SFXN5: variants seen among roughly 807,000 people sequenced by gnomAD.
SFXN5 encodes the protein sideroflexin-5.
Under a neutral mutation model 50.2 loss-of-function variants are expected in SFXN5, and 43 were observed. That is an observed-to-expected ratio of 0.86 (90% confidence interval 0.67 to 1.11). The LOEUF is 1.11. Ranked by LOEUF, SFXN5 falls within the 50% of genes least tolerant of loss-of-function variation. The pLI is 0.00. For synonymous variants in SFXN5, 203 were observed against 185.8 expected, an observed-to-expected ratio of 1.09 and a Z score of -0.75; for missense variants, 463 against 454.1, an observed-to-expected ratio of 1.02 and a Z score of -0.18.
At chr2:72,987,389 T>A (rs1672045150) in intron 10 of SFXN5, among the ~76,000 whole-genome samples, 3 of 151,636 alleles carry the variant, frequency 2.0e-5, no homozygotes, top group East Asian at 4.0e-4. Flanking sequence ...ATTACAGGCA[T>A]GAGCTACCAC....
intron 6 of SFXN5, among the ~76,000 whole-genome samples, chr2:73,002,927 A>G (rs1674104226): frequency 6.6e-6 from 1 of 152,222 alleles, no homozygotes; most frequent in Non-Finnish European, 1.5e-5. Flanking sequence ...TGGGGCACTA[A>G]CTTTCTTAAA....
At chr2:73,041,987 C>T (rs1322860846) in intron 2 of SFXN5, among the ~76,000 whole-genome samples, 1 of 152,172 alleles carries the variant, frequency 6.6e-6, no homozygotes, top group Non-Finnish European at 1.5e-5. Context: ...AGGTGTGAGC[C>T]ACGGTGCCCG....
At chr2:73,027,756 C>T (rs905356880) in intron 3 of SFXN5, among the ~76,000 whole-genome samples, 1 of 152,068 alleles carries the variant, frequency 6.6e-6, no homozygotes, top group Non-Finnish European at 1.5e-5. Flanking sequence ...ACCTCTCCGG[C>T]TCAAGCAATC....
At position 73,040,939 on chromosome 2, in the gene SFXN5, A is replaced by C; in HGVS notation, c.172-8T>G. On this transcript the variant is annotated splice_region_variant and splice_polypyrimidine_tract_variant and intron_variant, in intron 2 of 13. Coordinates refer to ENST00000272433, the MANE Select transcript of SFXN5 (RefSeq NM_144579.3). ...AGCCTCTCTGAGACGTCTCTGCAGA[A>C]GAAAGAAAAGAGACATTGAGGGGCA... 1 of 1,611,142 alleles carries C rather than the reference A, an allele frequency of 6.2e-7. No homozygotes were observed. The highest frequency in any genetic ancestry group is 8.5e-7 in the Non-Finnish European group (1 of 1,179,292).
intron 5 of SFXN5, 58 bp downstream of exon 5, chr2:73,022,464 C>T: frequency 7.5e-7 from 1 of 1,326,308 alleles, no homozygotes; most frequent in Non-Finnish European, 1.1e-6. Flanking sequence ...GCTCCTGGAA[C>T]TGTGACTGGA....
chr2:73,016,896 G>A (rs561745250), intron 6 of SFXN5, among the ~76,000 whole-genome samples: 30 of 152,066 alleles, frequency 2.0e-4, no homozygotes, highest in Non-Finnish European at 3.8e-4. Context: ...AACATAGAAG[G>A]CAATATTCAA....
chr2:72,985,575 A>AGGGG (rs1671819636), intron 10 of SFXN5, among the ~76,000 whole-genome samples: 1 of 16,750 alleles, frequency 6.0e-5, no homozygotes, highest in South Asian at 1.8e-3. Flanking sequence ...GGGGGGTGGG[A>AGGGG]GGGGAGACTG....
At chr2:73,018,146 T>A (rs1311133810) in intron 6 of SFXN5, among the ~76,000 whole-genome samples, 1 of 150,588 alleles carries the variant, frequency 6.6e-6, no homozygotes, top group African/African-American at 2.5e-5. Context: ...AGTTTGAGGC[T>A]CCAGTGAGCC....
intron 1 of SFXN5, among the ~76,000 whole-genome samples, chr2:73,069,543 A>G (rs1683423203): frequency 6.6e-6 from 1 of 152,184 alleles, no homozygotes. Flanking sequence ...GATGAATCAC[A>G]TGCAACGTGC....
At chr2:73,032,971 G>C (rs1678508816) in intron 3 of SFXN5, among the ~76,000 whole-genome samples, 2 of 152,178 alleles carry the variant, frequency 1.3e-5, no homozygotes, top group Non-Finnish European at 2.9e-5. Flanking sequence ...CACGAAAGAA[G>C]AGGGACTCTT....
chr2:73,024,171 G>A (rs543879531), intron 3 of SFXN5, among the ~76,000 whole-genome samples: 51 of 151,616 alleles, frequency 3.4e-4, no homozygotes, highest in African/African-American at 9.7e-4. Flanking sequence ...TTACAGGCGC[G>A]CACCACCATG....
At position 72,944,969 on chromosome 2, in the gene SFXN5, G is replaced by GCC; in HGVS notation, c.*51_*52dup. 2.6e-6 allele frequency: 4 copies of GCC among 1,558,816 alleles called. No homozygotes were observed. Among genetic ancestry groups the GCC allele is most frequent in the Non-Finnish European group, 3.5e-6 (4 of 1,135,922 alleles). ...GGTGCAGCCGTGAGTCTACGGCCCT[G>GCC]CCCCTCAGCTCCCCGGCTGCACAGT... On this transcript the variant is annotated 3_prime_UTR_variant, in exon 14 of 14. Transcript: ENST00000272433.
At chr2:72,987,277 T>C (rs1236630277) in intron 10 of SFXN5, among the ~76,000 whole-genome samples, 1 of 151,284 alleles carries the variant, frequency 6.6e-6, no homozygotes, top group Non-Finnish European at 1.5e-5. Context: ...ACCCAGCTAA[T>C]TTTTCTATGT....
At chr2:72,948,386 A>C (rs957480328) in intron 13 of SFXN5, among the ~76,000 whole-genome samples, 1 of 152,252 alleles carries the variant, frequency 6.6e-6, no homozygotes, top group Non-Finnish European at 1.5e-5. Context: ...ATAATCAGTA[A>C]ATGATGTAAA....
chr2:72,948,351 T>C (rs1672175244), intron 13 of SFXN5, among the ~76,000 whole-genome samples: 1 of 152,222 alleles, frequency 6.6e-6, no homozygotes, highest in African/African-American at 2.4e-5. Flanking sequence ...AGAACAGTAA[T>C]TGCAAAATTG....
intron 3 of SFXN5, among the ~76,000 whole-genome samples, chr2:73,025,072 G>GA (rs1238931747): frequency 9.2e-5 from 14 of 152,108 alleles, no homozygotes; most frequent in Admixed American, 7.9e-4. Flanking sequence ...ACTGATGAGT[G>GA]AAAAGCCAAA....
intron 3 of SFXN5, among the ~76,000 whole-genome samples, chr2:73,035,236 C>T (rs1441978729): frequency 6.6e-6 from 1 of 151,856 alleles, no homozygotes; most frequent in African/African-American, 2.4e-5. Context: ...TAGCCCCACC[C>T]ACCTCCTCCA....
rs978778209 is a variant in SFXN5, at chr2:73,059,747, T to C, written c.103-1151A>G. 2.4e-5 allele frequency: 24 copies of C among 979,684 alleles called. 3 individuals are homozygous for C. The highest frequency in any genetic ancestry group is 1.2e-4 in the Admixed American group (2 of 16,070). The allele number at this position is 979,684 out of a possible 1,614,324, so 60.7% of individuals were successfully genotyped here. ...CAGCTGCCTCTCTAACCTCTTATAA[T>C]CCACACAGCCCAGACCATTTTCCCA... On this transcript the variant is annotated intron_variant, in intron 1 of 13. Transcript: ENST00000272433.
chr2:72,981,112 CA>C (rs1671252279), intron 10 of SFXN5: 1 of 152,272 alleles, frequency 6.6e-6, no homozygotes, highest in Admixed American at 6.5e-5. Flanking sequence ...ACATTTCCCT[CA>C]AATCCAGGAG....
Sources: gnomAD v4.1 joint callset for allele counts (sites outside exome capture counted in the v4.1 genomes callset) on GRCh38, gnomAD v4.1.1 for gene constraint, MANE v1.5 for transcripts, NCBI Gene and HGNC (gene_info 2026-07-23, HGNC 2026-07-21) for gene names.